The following RSBN1L variants were observed in gnomAD, a reference collection of about 807,000 sequenced individuals.
RSBN1L encodes round spermatid basic protein 1 like.
A neutral mutation model predicts 67.7 loss-of-function variants in RSBN1L; 30 were observed. The observed-to-expected ratio is 0.44, with a 90% confidence interval of 0.33 to 0.60. The LOEUF is 0.60. Ranked by LOEUF, RSBN1L falls within the 20% of genes least tolerant of loss-of-function variation. RSBN1L has a pLI of 0.02. For missense variants in RSBN1L, 992 were observed against 1,031.7 expected (o/e 0.96, Z 0.53); for synonymous variants, 433 against 387.0 (o/e 1.12, Z -1.39).
chr7:77,705,693 G>T (rs1461380672), intron 1 of RSBN1L, among the ~76,000 whole-genome samples: 1 of 151,608 alleles, frequency 6.6e-6, no homozygotes, highest in Non-Finnish European at 1.5e-5. Flanking sequence ...TGTATTTTTA[G>T]TAGAGACAGG....
Position 77,768,655 on chromosome 7 carries a change from C to G in RSBN1L, c.1483-6C>G. On this transcript the variant is annotated splice_region_variant and splice_polypyrimidine_tract_variant and intron_variant, in intron 4 of 7. Coordinates refer to ENST00000334955, the MANE Select transcript of RSBN1L (RefSeq NM_198467.3). The stretch of plus-strand genomic sequence containing the variant: ...AATTGCAATCTGCATAATTATTTAT[C>G]TCCAGTGTACACTGCCATGGGGGAC... 1 of 1,607,974 alleles carries G rather than the reference C, an allele frequency of 6.2e-7. No homozygotes were observed. Among genetic ancestry groups the G allele is most frequent in the Non-Finnish European group, 8.5e-7 (1 of 1,176,406 alleles).
rs1320454741 is a variant in RSBN1L at position 77,782,689 on chromosome 7, T to G, written c.*3521T>G. ...TATGTTTGTTTCCGCATATATTCAT[T>G]TTTAATGCATTCTGTAACTTTTCTC... On this transcript the variant is annotated 3_prime_UTR_variant, in exon 8 of 8. Coordinates refer to ENST00000334955, the MANE Select transcript of RSBN1L (RefSeq NM_198467.3). The G allele has an allele frequency of 2.0e-5, 3 of 152,216 alleles. No homozygotes were observed. The highest frequency in any genetic ancestry group is 7.2e-5 in the African/African-American group (3 of 41,456). 9.4% of individuals were successfully genotyped at this position (152,216 alleles called of 1,614,324 possible).
intron 1 of RSBN1L, among the ~76,000 whole-genome samples, chr7:77,705,408 C>T (rs1359782424): frequency 3.3e-5 from 5 of 151,432 alleles, no homozygotes; most frequent in South Asian, 2.1e-4. Flanking sequence ...ACTCATATTA[C>T]GTTTGGATCA....
intron 4 of RSBN1L, among the ~76,000 whole-genome samples, chr7:77,767,071 C>T (rs544982435): frequency 7.8e-6 from 1 of 127,626 alleles, no homozygotes; most frequent in African/African-American, 3.0e-5. Flanking sequence ...CTTTCCCCTT[C>T]CCTTCCCCTT....
chr7:77,705,275 A>C (rs948846533), intron 1 of RSBN1L, among the ~76,000 whole-genome samples: 6 of 152,136 alleles, frequency 3.9e-5, no homozygotes, highest in African/African-American at 1.4e-4. Context: ...CTGTATTCAT[A>C]ATTTTTAAAA....
chr7:77,727,048 T>C (rs975760696), intron 1 of RSBN1L, among the ~76,000 whole-genome samples: 2 of 150,686 alleles, frequency 1.3e-5, no homozygotes, highest in Admixed American at 6.6e-5. Context: ...CCCAAAGTGC[T>C]GGGATTACAG....
chr7:77,703,796 T>C (rs1427388547), intron 1 of RSBN1L, among the ~76,000 whole-genome samples: 2 of 151,912 alleles, frequency 1.3e-5, no homozygotes, highest in Non-Finnish European at 2.9e-5. Flanking sequence ...CCTATTTGGG[T>C]ATATTTTTAA....
intron 1 of RSBN1L, among the ~76,000 whole-genome samples, chr7:77,706,221 C>T (rs1002382240): frequency 6.6e-5 from 10 of 152,034 alleles, no homozygotes; most frequent in East Asian, 3.9e-4. Flanking sequence ...GGATTACAGA[C>T]GCCTGCCACT....
chr7:77,772,011 AAC>A (rs1292571739), intron 5 of RSBN1L, among the ~76,000 whole-genome samples: 2 of 152,096 alleles, frequency 1.3e-5, no homozygotes, highest in Admixed American at 1.3e-4. Flanking sequence ...GTCTAACAAA[AAC>A]AGTGTCAGGC....
chr7:77,744,063 T>C (rs1317538937), intron 2 of RSBN1L, among the ~76,000 whole-genome samples: 9 of 151,996 alleles, frequency 5.9e-5, no homozygotes, highest in Admixed American at 5.9e-4. Context: ...TTTATTTTTT[T>C]CTCTGTTGCC....
At chr7:77,716,456 C>T (rs1230810247) in intron 1 of RSBN1L, among the ~76,000 whole-genome samples, 3 of 140,396 alleles carry the variant, frequency 2.1e-5, no homozygotes, top group Admixed American at 7.2e-5. Flanking sequence ...TGTCTGGCTC[C>T]TTTTTTTTTT....
In RSBN1L at chr7:77,704,822, T is replaced by G. The variant is rs185968152; in HGVS notation, c.586+7767T>G. ...GGTAAAACCCTGTCTCTACCAAAAA[T>G]ACAAAAATTAGGTGTGTCGGGCGCC... is the stretch of plus-strand genomic sequence containing the variant. On this transcript the variant is annotated intron_variant, in intron 1 of 7. Transcript: ENST00000334955. Among the ~76,000 whole-genome samples the G allele has an allele frequency of 5.4e-4, 82 of 152,066 alleles. No homozygotes were observed. In the Middle Eastern group the frequency reaches 0.02, roughly 38 times the overall value.
At chr7:77,733,262 T>G (rs1203087083) in intron 1 of RSBN1L, among the ~76,000 whole-genome samples, 1 of 152,204 alleles carries the variant, frequency 6.6e-6, no homozygotes, top group East Asian at 1.9e-4. Context: ...ATGTGTGGGT[T>G]AAGGACAGAA....
intron 2 of RSBN1L, among the ~76,000 whole-genome samples, chr7:77,747,336 C>T (rs1228578132): frequency 6.6e-6 from 1 of 152,212 alleles, no homozygotes; most frequent in Non-Finnish European, 1.5e-5. Context: ...GGGGGAAAGT[C>T]CTAGAAGGCA....
chr7:77,775,242 AAGG>A (rs1356390586), intron 6 of RSBN1L, among the ~76,000 whole-genome samples: 1 of 152,146 alleles, frequency 6.6e-6, no homozygotes, highest in African/African-American at 2.4e-5. Context: ...TTTTTAAAAA[AAGG>A]AGAAACAGGC....
chr7:77,745,842 C>T (rs1791477142), intron 2 of RSBN1L, among the ~76,000 whole-genome samples: 1 of 152,138 alleles, frequency 6.6e-6, no homozygotes, highest in Non-Finnish European at 1.5e-5. Flanking sequence ...GGAGCAGCTC[C>T]CAGCACTAGT....
chr7:77,708,817 A>G (rs998595268), intron 1 of RSBN1L, among the ~76,000 whole-genome samples: 16 of 152,334 alleles, frequency 1.1e-4, no homozygotes, highest in Non-Finnish European at 1.8e-4. Flanking sequence ...TTGGAGACAG[A>G]TATTGAAGAC....
intron 1 of RSBN1L, among the ~76,000 whole-genome samples, chr7:77,697,722 C>T (rs1043349226): frequency 3.3e-5 from 5 of 152,122 alleles, no homozygotes; most frequent in Non-Finnish European, 5.9e-5. Context: ...TTCTTTTTTT[C>T]CCTGCAGCAA....
chr7:77,705,322 C>G (rs1474022068), intron 1 of RSBN1L, among the ~76,000 whole-genome samples: 6 of 151,940 alleles, frequency 3.9e-5, no homozygotes, highest in Non-Finnish European at 8.8e-5. Context: ...CTTTGTATTT[C>G]ATGTAAATTG....
Sources: gnomAD v4.1 joint callset for allele counts (sites outside exome capture counted in the v4.1 genomes callset) on GRCh38, gnomAD v4.1.1 for gene constraint, MANE v1.5 for transcripts, NCBI Gene and HGNC (gene_info 2026-07-23, HGNC 2026-07-21) for gene names.